Variants in DRC11 observed in about 807,000 individuals in gnomAD.
The protein encoded by DRC11 is IQ and AAA domain-containing protein 1.
chr2:236,361,383 T>C, the DRC11 span, among the ~76,000 whole-genome samples: 279 of 152,254 alleles, frequency 1.8e-3, 1 homozygote, highest in African/African-American at 6.5e-3. This position sits in a 1 kb window ranked among gnomAD's most constrained non-coding sequence, Gnocchi z 5.7. Flanking sequence ...AAGAGAGTAC[T>C]AAAAATGGCA....
the DRC11 span, among the ~76,000 whole-genome samples, chr2:236,336,352 T>C: frequency 3.4e-3 from 518 of 152,194 alleles, 3 homozygotes; most frequent in Non-Finnish European, 5.8e-3. The surrounding 1 kb of genome is among the most constrained non-coding windows in gnomAD (Gnocchi z 7.3). Flanking sequence ...GCTCACGTGA[T>C]TGGAGAAGGA....
At chr2:236,440,528 C>T in the DRC11 span, among the ~76,000 whole-genome samples, 1 of 152,104 alleles carries the variant, frequency 6.6e-6, no homozygotes, top group Non-Finnish European at 1.5e-5. Flanking sequence ...CATCAAATGC[C>T]ACTGAAGCAT....
At chr2:236,356,914 ATATATATTCATATATATTTATATAT>A in the DRC11 span, among the ~76,000 whole-genome samples, 13 of 138,804 alleles carry the variant, frequency 9.4e-5, 1 homozygote, top group Admixed American at 3.0e-4. Context: ...TTTATATATT[ATATATATTCATATATATTTATATAT>A]TATATATTCA....
chr2:236,501,998 T>C, the DRC11 span, among the ~76,000 whole-genome samples: 3 of 152,232 alleles, frequency 2.0e-5, no homozygotes, highest in South Asian at 2.1e-4. Flanking sequence ...GCTTGTTTCA[T>C]AGATGCCAAG....
the DRC11 span, among the ~76,000 whole-genome samples, chr2:236,347,855 CAA>C: frequency 2.1e-5 from 3 of 141,980 alleles, no homozygotes; most frequent in Admixed American, 7.1e-5. Flanking sequence ...TAACTTACGG[CAA>C]AAAAAAAAAA....
the DRC11 span, among the ~76,000 whole-genome samples, chr2:236,443,209 T>C: frequency 6.6e-6 from 1 of 152,190 alleles, no homozygotes; most frequent in Non-Finnish European, 1.5e-5. This position sits in a 1 kb window ranked among gnomAD's most constrained non-coding sequence, Gnocchi z 4.4. Context: ...GTGGGGTACA[T>C]GAGCAGGATG....
At chr2:236,409,044 C>A in the DRC11 span, 2 of 609,060 alleles carry the variant, frequency 3.3e-6, no homozygotes, top group South Asian at 3.7e-5. Flanking sequence ...CCGAGGGACC[C>A]ATGTCTGGGA....
At chr2:236,428,816 TCTG>T in the DRC11 span, among the ~76,000 whole-genome samples, 9 of 152,238 alleles carry the variant, frequency 5.9e-5, no homozygotes. Flanking sequence ...TTCATTTTGT[TCTG>T]CTATTATTTT....
the DRC11 span, among the ~76,000 whole-genome samples, chr2:236,438,282 G>GT: frequency 7.2e-6 from 1 of 138,628 alleles, no homozygotes; most frequent in Non-Finnish European, 1.6e-5. Context: ...TGAGGGCTCT[G>GT]TTCTGTTCCA....
the DRC11 span, chr2:236,408,294 G>C: frequency 0.02 from 16,078 of 822,484 alleles, 236 homozygotes; most frequent in Non-Finnish European, 0.027. This position sits in a 1 kb window ranked among gnomAD's most constrained non-coding sequence, Gnocchi z 5.5. Context: ...AGGCCACACA[G>C]GCAGGATGCC....
At chr2:236,414,862 G>C in the DRC11 span, among the ~76,000 whole-genome samples, 1 of 152,158 alleles carries the variant, frequency 6.6e-6, no homozygotes, top group Non-Finnish European at 1.5e-5. Context: ...AAATGGTCTT[G>C]TGTACAATTA....
At chr2:236,359,878 T>A in the DRC11 span, among the ~76,000 whole-genome samples, 2 of 152,098 alleles carry the variant, frequency 1.3e-5, no homozygotes, top group Non-Finnish European at 2.9e-5. The surrounding 1 kb of genome is among the most constrained non-coding windows in gnomAD (Gnocchi z 4.3). Context: ...AAAGGTGAAG[T>A]TTAATGAGGT....
At chr2:236,475,586 A>ATATT in the DRC11 span, among the ~76,000 whole-genome samples, 1 of 152,180 alleles carries the variant, frequency 6.6e-6, no homozygotes, top group Non-Finnish European at 1.5e-5. This position sits in a 1 kb window ranked among gnomAD's most constrained non-coding sequence, Gnocchi z 4.8. Context: ...TCAGCCTAAT[A>ATATT]GTTCTATTTT....
the DRC11 span, among the ~76,000 whole-genome samples, chr2:236,363,312 C>A: frequency 9.2e-5 from 14 of 152,310 alleles, no homozygotes; most frequent in African/African-American, 3.4e-4. This position sits in a 1 kb window ranked among gnomAD's most constrained non-coding sequence, Gnocchi z 5.6. Context: ...GATATCAGCA[C>A]GTCTTTACAT....
the DRC11 span, among the ~76,000 whole-genome samples, chr2:236,317,108 CAACA>C: frequency 1.3e-5 from 2 of 151,964 alleles, no homozygotes; most frequent in African/African-American, 4.8e-5. The surrounding 1 kb of genome is among the most constrained non-coding windows in gnomAD (Gnocchi z 5.4). Context: ...CCATCCTGGC[CAACA>C]TGGTGAAACT....
the DRC11 span, among the ~76,000 whole-genome samples, chr2:236,428,261 G>C: frequency 6.6e-6 from 1 of 152,178 alleles, no homozygotes; most frequent in South Asian, 2.1e-4. Flanking sequence ...TTGGTCTAAA[G>C]TGTAGTTCAA....
chr2:236,499,786 A>T, the DRC11 span, among the ~76,000 whole-genome samples: 1 of 152,152 alleles, frequency 6.6e-6, no homozygotes, highest in East Asian at 1.9e-4. The surrounding 1 kb of genome is among the most constrained non-coding windows in gnomAD (Gnocchi z 4.7). Context: ...GTGAGTTCAT[A>T]GCTTTAAAAT....
chr2:236,423,681 C>A, the DRC11 span, among the ~76,000 whole-genome samples: 2 of 152,122 alleles, frequency 1.3e-5, no homozygotes, highest in Non-Finnish European at 2.9e-5. Context: ...TACTATTTGA[C>A]CCAGCCATCC....
chr2:236,416,176 T>C, the DRC11 span, among the ~76,000 whole-genome samples: 1 of 152,032 alleles, frequency 6.6e-6, no homozygotes, highest in Admixed American at 6.5e-5. Flanking sequence ...TAAGTTATGA[T>C]GCAATTGCAA....
Sources: gnomAD v4.1 joint callset for allele counts (sites outside exome capture counted in the v4.1 genomes callset) on GRCh38, gnomAD v4.1.1 for gene constraint, Gnocchi (gnomAD v3.1) non-coding constraint, MANE v1.5 for transcripts, NCBI Gene and HGNC (gene_info 2026-07-23, HGNC 2026-07-21) for gene names.